Variants in PLCH1 observed in about 807,000 individuals in gnomAD.
PLCH1 encodes the protein phospholipase C eta 1, also known as 1-phosphatidylinositol 4,5-bisphosphate phosphodiesterase eta-1.
PLCH1 carries 60 observed loss-of-function variants against 126.7 expected under a neutral mutation model. The observed-to-expected ratio is 0.47, with a 90% CI of 0.38 to 0.59. The LOEUF is 0.59. Among genes scored for constraint, PLCH1 ranks in the 20% least tolerant of loss-of-function variants. PLCH1 has a pLI of 0.00. For synonymous variants in PLCH1, 719 were observed against 734.9 expected, an observed-to-expected ratio of 0.98 and a Z score of 0.35; for missense variants, 1,723 against 2,040.0, an observed-to-expected ratio of 0.84 and a Z score of 2.99.
chr3:155,461,130 T>C (rs764590632), intron 21 of PLCH1, among the ~76,000 whole-genome samples: 4 of 152,234 alleles, frequency 2.6e-5, no homozygotes, highest in African/African-American at 4.8e-5. Context: ...ATGATCTCTA[T>C]CATCTTCATA....
At chr3:155,612,195 G>A (rs1239304372) in intron 2 of PLCH1, among the ~76,000 whole-genome samples, 2 of 152,038 alleles carry the variant, frequency 1.3e-5, no homozygotes, top group Non-Finnish European at 2.9e-5. Flanking sequence ...CAGGCATAGT[G>A]GCAGGTGCCT....
chr3:155,544,468 G>C (rs897054368), intron 10 of PLCH1, among the ~76,000 whole-genome samples: 1 of 152,230 alleles, frequency 6.6e-6, no homozygotes, highest in Admixed American at 6.5e-5. Context: ...GTCAACATTA[G>C]ACAGATCAAC....
chr3:155,500,679 G>T, intron 14 of PLCH1, 24 bp downstream of exon 14: 1 of 1,460,674 alleles, frequency 6.8e-7, no homozygotes, highest in African/African-American at 1.4e-5. Flanking sequence ...AGTGTGAGTA[G>T]GAAACATGGA....
intron 2 of PLCH1, among the ~76,000 whole-genome samples, chr3:155,676,854 C>G (rs1744134853): frequency 6.6e-6 from 1 of 152,048 alleles, no homozygotes; most frequent in South Asian, 2.1e-4. Context: ...AAAAAAATCA[C>G]ATGCCTGTGG....
At chr3:155,521,431 G>A in intron 11 of PLCH1, among the ~76,000 whole-genome samples, 1 of 152,202 alleles carries the variant, frequency 6.6e-6, no homozygotes, top group East Asian at 1.9e-4. Flanking sequence ...AATCTTACAT[G>A]ACCTCATGAG....
At chr3:155,595,330 A>G (rs758653271) in intron 3 of PLCH1, among the ~76,000 whole-genome samples, 15 of 152,246 alleles carry the variant, frequency 9.9e-5, no homozygotes, top group African/African-American at 3.6e-4. Flanking sequence ...ATTTTTCAGT[A>G]GGAATCAGAA....
At chr3:155,706,123 G>A (rs1746643132) in intron 1 of PLCH1, among the ~76,000 whole-genome samples, 1 of 140,826 alleles carries the variant, frequency 7.1e-6, no homozygotes, top group East Asian at 2.3e-4. Context: ...GCAGTGAGGT[G>A]AGACAGCGCC....
chr3:155,620,776 TAA>T (rs1736377117), intron 2 of PLCH1, among the ~76,000 whole-genome samples: 6 of 152,058 alleles, frequency 3.9e-5, no homozygotes, highest in Admixed American at 3.9e-4. Flanking sequence ...GACTTACAGA[TAA>T]AAGCCCCATC....
intron 6 of PLCH1, among the ~76,000 whole-genome samples, chr3:155,581,617 A>C (rs995207032): frequency 2.0e-5 from 3 of 152,224 alleles, no homozygotes; most frequent in African/African-American, 4.8e-5. Flanking sequence ...ATAGAGACAG[A>C]AATATTAGTT....
rs118138609 is a variant in PLCH1, at chr3:155,501,080, G to A, written c.1705-286C>T. Among the ~76,000 whole-genome samples the A allele has an allele frequency of 1.4e-4, 21 of 152,238 alleles. No homozygotes were observed. The East Asian group carries it at 3.5e-3, about 25-fold the overall frequency. ...ACTTTATTAGTCATGCATTTTGAAG[G>A]TTTCTACTAGGGGTAGAGTCAAAGT... On this transcript the variant is annotated intron_variant, in intron 13 of 22. Coordinates refer to ENST00000460012, the MANE Select transcript of PLCH1 (RefSeq NM_014996.4).
At chr3:155,558,925 T>A (rs576202373) in intron 8 of PLCH1, among the ~76,000 whole-genome samples, 1 of 152,178 alleles carries the variant, frequency 6.6e-6, no homozygotes, top group Non-Finnish European at 1.5e-5. Context: ...ACCACAGAGA[T>A]CATGTCACCA....
At chr3:155,642,337 T>C (rs973545136) in intron 2 of PLCH1, among the ~76,000 whole-genome samples, 1 of 152,074 alleles carries the variant, frequency 6.6e-6, no homozygotes, top group Admixed American at 6.5e-5. Context: ...CAAAAACCAC[T>C]CAGGATAAAT....
intron 8 of PLCH1, among the ~76,000 whole-genome samples, chr3:155,563,342 A>G (rs1199067044): frequency 6.6e-6 from 1 of 152,206 alleles, no homozygotes; most frequent in Non-Finnish European, 1.5e-5. Context: ...ATGTTACAAA[A>G]TCAATCTAAA....
At chr3:155,636,048 C>T (rs754016547) in intron 2 of PLCH1, among the ~76,000 whole-genome samples, 13 of 152,288 alleles carry the variant, frequency 8.5e-5, no homozygotes, top group Middle Eastern at 3.4e-3. Context: ...GCATCATAGC[C>T]TCAAATCATT....
At chr3:155,556,162 G>A (rs745879683) in intron 8 of PLCH1, among the ~76,000 whole-genome samples, 1 of 152,168 alleles carries the variant, frequency 6.6e-6, no homozygotes, top group Non-Finnish European at 1.5e-5. Context: ...AGACCGGCCT[G>A]GCCAACATGG....
At chr3:155,528,965 T>C (rs1323251769) in intron 10 of PLCH1, among the ~76,000 whole-genome samples, 1 of 152,252 alleles carries the variant, frequency 6.6e-6, no homozygotes, top group East Asian at 1.9e-4. Context: ...AAATATTTTA[T>C]ACAGGCAGAT....
At chr3:155,711,991 G>T (rs960513944) in intron 1 of PLCH1, among the ~76,000 whole-genome samples, 2 of 152,208 alleles carry the variant, frequency 1.3e-5, no homozygotes, top group Non-Finnish European at 2.9e-5. Context: ...CACACCTGAA[G>T]CTAGATCTGT....
At chr3:155,570,801 T>C (rs571930183) in intron 6 of PLCH1, among the ~76,000 whole-genome samples, 2 of 152,224 alleles carry the variant, frequency 1.3e-5, no homozygotes, top group Admixed American at 6.5e-5. Context: ...TTTATTTCTA[T>C]TGAAAAATTA....
intron 21 of PLCH1, among the ~76,000 whole-genome samples, chr3:155,462,904 A>C (rs1712781538): frequency 1.3e-5 from 2 of 152,226 alleles, no homozygotes; most frequent in Admixed American, 1.3e-4. Context: ...CACAACCTGG[A>C]AATACAGGAA....
Sources: allele counts gnomAD v4.1 joint callset (sites outside exome capture counted in the v4.1 genomes callset), GRCh38; gene constraint gnomAD v4.1.1; transcripts MANE v1.5; gene names NCBI Gene and HGNC (gene_info 2026-07-23, HGNC 2026-07-21).